GLI2: variants seen among roughly 807,000 people sequenced by gnomAD.
GLI2 encodes the protein transcription activator GLI2.
Under a neutral mutation model 78.9 loss-of-function variants are expected in GLI2, and 22 were observed. The ratio of observed to expected loss-of-function variants is 0.28; its 90% CI spans 0.20 to 0.40. GLI2 has a LOEUF of 0.40. Among genes scored for constraint, GLI2 ranks in the 10% least tolerant of loss-of-function variants. The pLI is 1.00. For missense variants in GLI2, 2,097 were observed against 2,213.2 expected, an observed-to-expected ratio of 0.95 and a Z score of 1.05; for synonymous variants, 974 against 963.7, an observed-to-expected ratio of 1.01 and a Z score of -0.20.
intron 2 of GLI2, among the ~76,000 whole-genome samples, chr2:120,926,295 G>T (rs1049619405): frequency 2.0e-5 from 3 of 151,930 alleles, no homozygotes; most frequent in African/African-American, 7.3e-5. Flanking sequence ...CCAGCACTTT[G>T]GGAGGCCGAG....
In GLI2 at chr2:120,990,059, G is replaced by A. The variant is rs200080112; in HGVS notation, c.4094G>A (p.Arg1365His). The A allele has an allele frequency of 1.7e-4, 278 of 1,600,354 alleles. No individual in the cohort carries two copies. Among genetic ancestry groups the A allele is most frequent in the Non-Finnish European group, 2.2e-4 (261 of 1,172,632 alleles). The change falls in exon 14 of 14, where the codon CGC becomes CAC. Residue 1365 changes from arginine (R) to histidine (H), a missense_variant. Physicochemically the swap from Arg to His is conservative, Grantham distance 29. This residue lies in a region of GLI2 where 1,290 missense variants were observed against 1,261.7 expected (regional missense o/e 1.02). Transcript: ENST00000361492. ...RPPLEPSPTGRHRGVRAVQQQ... is the reference protein window; with the variant it reads ...RPPLEPSPTGHHRGVRAVQQQ... ...CCCCTCGAGCCCAGCCCCACTGGCC[G>A]CCACCGTGGGGTACGTGCTGTGCAG...
At chr2:120,949,836 G>A (rs899129034) in intron 3 of GLI2, among the ~76,000 whole-genome samples, 25 of 152,164 alleles carry the variant, frequency 1.6e-4, no homozygotes, top group African/African-American at 5.8e-4. Context: ...ACCTGTTTGG[G>A]TCCTGGTTTG....
At chr2:120,840,542 A>G (rs1490122623) in intron 2 of GLI2, among the ~76,000 whole-genome samples, 1 of 152,248 alleles carries the variant, frequency 6.6e-6, no homozygotes, top group Non-Finnish European at 1.5e-5. Context: ...CTTCAGGAGT[A>G]GCACAGATGT....
intron 6 of GLI2, among the ~76,000 whole-genome samples, chr2:120,969,940 G>GT (rs1435790468): frequency 6.6e-6 from 1 of 152,220 alleles, no homozygotes; most frequent in Non-Finnish European, 1.5e-5. Context: ...TGCAAGTGGT[G>GT]TGACAGAGCC....
chr2:120,898,956 T>C (rs944186083), intron 2 of GLI2, among the ~76,000 whole-genome samples: 3 of 152,002 alleles, frequency 2.0e-5, no homozygotes, highest in African/African-American at 4.8e-5. Context: ...GCTATGGCAG[T>C]TGTCAGCACG....
chr2:120,936,451 TCTC>T (rs1003865535), intron 3 of GLI2, among the ~76,000 whole-genome samples: 4 of 152,148 alleles, frequency 2.6e-5, no homozygotes, highest in African/African-American at 9.7e-5. Flanking sequence ...TGGGGGATTT[TCTC>T]CTCAATTCAT....
At chr2:120,923,235 A>AAC (rs373817212) in intron 2 of GLI2, among the ~76,000 whole-genome samples, 15 of 96,224 alleles carry the variant, frequency 1.6e-4, no homozygotes, top group African/African-American at 3.2e-4. Flanking sequence ...TATACACAGC[A>AAC]ACACACACAC....
At position 120,982,780 on chromosome 2, in the gene GLI2, C is replaced by T; in HGVS notation, c.1532C>T (p.Thr511Ile). 1 of 1,614,066 alleles carries T rather than the reference C, an allele frequency of 6.2e-7. No homozygotes were observed. The highest frequency in any genetic ancestry group is 2.2e-5 in the East Asian group (1 of 44,874). Residue 511 changes from threonine (T) to isoleucine (I), a missense_variant, in exon 11 of 14, where the codon ACC becomes ATC. Thr to Ile is a moderately conservative substitution (Grantham distance 89). Around this residue, in one of 5 missense-constraint regions of GLI2, gnomAD observed 104 missense variants for 190.6 expected, o/e 0.55. Transcript: ENST00000361492. ...CTGAAGACACACCTGCGGTCCCACA[C>T]CGGGGAGAAGCCATATGTGTGTGAG... ...ENLKTHLRSH[T>I]GEKPYVCEHE...
intron 1 of GLI2, among the ~76,000 whole-genome samples, chr2:120,745,765 G>A (rs1170260889): frequency 6.6e-6 from 1 of 152,220 alleles, no homozygotes; most frequent in Non-Finnish European, 1.5e-5. Context: ...ATTGTGATGT[G>A]GGTGGGTCCT....
intron 1 of GLI2, among the ~76,000 whole-genome samples, chr2:120,741,558 C>T (rs1682540272): frequency 6.6e-6 from 1 of 151,916 alleles, no homozygotes; most frequent in South Asian, 2.1e-4. Flanking sequence ...CTTCTCTCTC[C>T]CTCTCTTTTC....
rs1199063013 is a variant in GLI2, at chr2:120,990,090, G to A, written c.4125G>A (p.Gln1375=). ...RHRGVRAVQQ[Q]LAYARATGHA... ...GTGGGGTACGTGCTGTGCAGCAGCAGCTGGCCTACGCCAGGGCCACAGGCC... is the reference window on the plus strand; with the variant it reads ...GTGGGGTACGTGCTGTGCAGCAGCAACTGGCCTACGCCAGGGCCACAGGCC... Residue 1375 remains glutamine (Q), a synonymous_variant, in exon 14 of 14, where the codon CAG becomes CAA. Transcript: ENST00000361492. 6 of 1,598,110 alleles carry A rather than the reference G, an allele frequency of 3.8e-6. No homozygotes were observed. Among genetic ancestry groups the A allele is most frequent in the Non-Finnish European group, 1.7e-6 (2 of 1,170,626 alleles).
At chr2:120,765,485 G>T (rs190732041) in intron 1 of GLI2, among the ~76,000 whole-genome samples, 1 of 152,336 alleles carries the variant, frequency 6.6e-6, no homozygotes, top group African/African-American at 2.4e-5. Flanking sequence ...GGGAGAGCCG[G>T]AACAGAGGGC....
At chr2:120,891,847 C>T (rs1573548665) in intron 2 of GLI2, among the ~76,000 whole-genome samples, 1 of 152,234 alleles carries the variant, frequency 6.6e-6, no homozygotes, top group Admixed American at 6.5e-5. Context: ...TCCTCATTTA[C>T]TCAGTCCAGA....
chr2:120,863,773 T>A (rs866399454), intron 2 of GLI2, among the ~76,000 whole-genome samples: 27 of 152,120 alleles, frequency 1.8e-4, no homozygotes, highest in Admixed American at 1.0e-3. Context: ...CAGAACAACA[T>A]AAAGGGTCTG....
chr2:120,931,273 G>A (rs1679932758), intron 3 of GLI2, among the ~76,000 whole-genome samples: 1 of 152,206 alleles, frequency 6.6e-6, no homozygotes, highest in South Asian at 2.1e-4. Flanking sequence ...TTGGCTTACA[G>A]CCCCGTCCTC....
intron 5 of GLI2, among the ~76,000 whole-genome samples, chr2:120,966,843 C>T (rs1262291950): frequency 6.6e-6 from 1 of 152,224 alleles, no homozygotes; most frequent in Non-Finnish European, 1.5e-5. Context: ...GGTGCTCCTG[C>T]AGCTGTGGAG....
chr2:120,989,031 C>A lies in GLI2; in HGVS notation c.3066C>A (p.Ala1022=). The A allele has an allele frequency of 6.2e-7, 1 of 1,605,402 alleles. No individual in the cohort carries two copies. The change falls in exon 14 of 14, where the codon GCC becomes GCA. Residue 1022 remains alanine (A), a synonymous_variant. Coordinates refer to ENST00000361492, the MANE Select transcript of GLI2 (RefSeq NM_001374353.1). The part of the protein sequence containing the change: ...PSISENVAME[A]VAAGVDGAGP... The stretch of plus-strand genomic sequence containing the variant: ...TCAGCGAGAACGTGGCGATGGAGGC[C>A]GTGGCGGCAGGAGTGGACGGCGCGG...
Position 120,989,261 on chromosome 2 carries a change from A to C in GLI2, c.3296A>C (p.Asn1099Thr). Residue 1099 changes from asparagine (N) to threonine (T), a missense_variant, in exon 14 of 14, where the codon AAC (asparagine) becomes ACC (threonine). Asn to Thr is a moderately conservative substitution (Grantham distance 65). Around this residue, in one of 5 missense-constraint regions of GLI2, gnomAD observed 1,290 missense variants for 1,261.7 expected, o/e 1.02. Transcript: ENST00000361492. ...GQRRMVAADS[N>T]VGPSAPMLGG... is the part of the protein sequence containing the mutation. ...CGCAGGATGGTGGCTGCGGACTCCA[A>C]CGTGGGCCCCTCCGCCCCTATGCTG... The C allele has an allele frequency of 6.2e-7, 1 of 1,613,086 alleles. No individual in the cohort carries two copies.
intron 1 of GLI2, among the ~76,000 whole-genome samples, chr2:120,754,116 T>C (rs1246098296): frequency 6.6e-6 from 1 of 152,148 alleles, no homozygotes; most frequent in African/African-American, 2.4e-5. Context: ...TATAACCATT[T>C]GGTAATTTCT....
Sources: gnomAD v4.1 joint callset for allele counts (sites outside exome capture counted in the v4.1 genomes callset) on GRCh38, gnomAD v4.1.1 for gene constraint, gnomAD v4.1.1 regional missense constraint, MANE v1.5 for transcripts, NCBI Gene and HGNC (gene_info 2026-07-23, HGNC 2026-07-21) for gene names.